TMSB4X: variants seen among roughly 807,000 people sequenced by gnomAD.
TMSB4X encodes thymosin beta 4 X-linked, also known as thymosin beta-4.
In TMSB4X, 1 loss-of-function variant was observed where a neutral mutation model predicts 3.6. The ratio of observed to expected loss-of-function variants is 0.28; its 90% CI spans 0.10 to 1.32. TMSB4X has a LOEUF of 1.32. Ranked by LOEUF, TMSB4X falls within the 40% of genes most tolerant of loss-of-function variation. The probability of loss-of-function intolerance (pLI) is 0.45; values close to 1 mark genes in which losing one functional copy is unlikely to be tolerated. For missense variants in TMSB4X, 6 were observed against 32.7 expected (o/e 0.18, Z 1.99); for synonymous variants, 12 against 14.3 (o/e 0.84, Z 0.36).
chrX:12,976,460 G>T, intron 2 of TMSB4X, 99 bp downstream of exon 2: 2 of 718,858 alleles, frequency 2.8e-6, no homozygotes, highest in Non-Finnish European at 2.1e-6. Context: ...TTCGGGAGGG[G>T]GGAGTGCGGG....
At chrX:12,976,751 T>A in intron 2 of TMSB4X, 26 bp from the exon 3 acceptor site, 1 of 837,590 alleles carries the variant, frequency 1.2e-6, no homozygotes. Context: ...CCTCCATCTT[T>A]TTTTTTTTTT....
At chrX:12,975,979 A>G (rs1011418863) in intron 1 of TMSB4X, 7 of 237,620 alleles carry the variant, frequency 2.9e-5, no homozygotes, top group Non-Finnish European at 5.3e-5. Flanking sequence ...GCAGTGGTCA[A>G]TTTCCTTTAT....
chrX:12,976,306 G>A lies in TMSB4X; in HGVS notation c.45G>A (p.Lys15=), dbSNP rs1269007988. The A allele has an allele frequency of 8.3e-7, 1 of 1,211,197 alleles. No individual in the cohort carries two copies. The highest frequency in any genetic ancestry group is 2.2e-5 in the Admixed American group (1 of 46,012). The change falls in exon 2 of 3, where the codon AAG becomes AAA. Residue 15 remains lysine, a synonymous_variant. Transcript: ENST00000451311. ...PDMAEIEKFD[K]SKLKKTETQE... is the part of the protein sequence containing the mutation. ...TGGCTGAGATCGAGAAATTCGATAA[G>A]TCGAAACTGAAGAAGACAGAGACGC...
rs903109465 is a variant in TMSB4X, at chrX:12,977,026, T to C, written c.*215T>C. 7 of 446,730 alleles carry C rather than the reference T, an allele frequency of 1.6e-5. No individual in the cohort carries two copies. Among genetic ancestry groups the C allele is most frequent in the Non-Finnish European group, 2.7e-5 (7 of 262,027 alleles). The allele number at this position is 446,730 out of a possible 1,213,427, so 36.8% of individuals were successfully genotyped here. ...CTGGCTGGCAGGGAAGGAAAGAACT[T>C]GCATGTTGGTGAAGGAAGAAGTGGG... On this transcript the variant is annotated 3_prime_UTR_variant, in exon 3 of 3. Transcript: ENST00000451311.
rs1246436408 is a variant in TMSB4X at position 12,975,130 on chromosome X, G to GCAGAC, written c.-49_-45dup. 1 of 116,896 alleles carries GCAGAC rather than the reference G, an allele frequency of 8.6e-6. No homozygotes were observed. The highest frequency in any genetic ancestry group is 9.3e-5 in the Admixed American group (1 of 10,734). 9.6% of individuals were successfully genotyped at this position (116,896 alleles called of 1,213,427 possible). ...CCGACAACTCGGTGGTGGCCACTGC[G>GCAGAC]CAGACCAGACTTCGCTCGTACTCGT... On this transcript the variant is annotated 5_prime_UTR_variant, in exon 1 of 3. Transcript: ENST00000451311.
intron 1 of TMSB4X, chrX:12,975,918 C>A (rs1292519640): frequency 7.6e-6 from 1 of 132,185 alleles, no homozygotes; most frequent in Non-Finnish European, 1.5e-5. Context: ...CTTTCCTCTT[C>A]TTTCCTTGTC....
intron 1 of TMSB4X, 115 bp downstream of exon 1, chrX:12,975,283 C>T (rs1233179459): frequency 1.8e-5 from 2 of 113,332 alleles, no homozygotes; most frequent in African/African-American, 6.5e-5. Flanking sequence ...GTGGTTCTCC[C>T]CGGGAAGGCT....
In TMSB4X at chrX:12,977,062, T is replaced by TG. The variant is rs2043300614; in HGVS notation, c.*255dup. The TG allele has an allele frequency of 2.5e-6, 1 of 401,184 alleles. No individual in the cohort carries two copies. The highest frequency in any genetic ancestry group is 5.1e-5 in the Admixed American group (1 of 19,744). 33.1% of individuals were successfully genotyped at this position (401,184 alleles called of 1,213,427 possible). ...GAAGGAAGAAGTGGGGTGGAAGAAG[T>TG]GGGGTGGGACGACAGTGAAATCTAG... On this transcript the variant is annotated 3_prime_UTR_variant, in exon 3 of 3. Coordinates refer to ENST00000451311, the MANE Select transcript of TMSB4X (RefSeq NM_021109.4).
At chrX:12,976,126 A>C in intron 1 of TMSB4X, 120 bp from the exon 2 acceptor site, 1 of 498,292 alleles carries the variant, frequency 2.0e-6, no homozygotes, top group East Asian at 3.6e-5. Flanking sequence ...CGGCAGCAGT[A>C]GGAGAGCGAG....
chrX:12,976,475 G>A, intron 2 of TMSB4X, 114 bp downstream of exon 2: 1 of 665,994 alleles, frequency 1.5e-6, no homozygotes, highest in Non-Finnish European at 2.4e-6. Context: ...TGCGGGGGAA[G>A]AGCCGACAGT....
At chrX:12,975,711 G>A (rs1232954174) in intron 1 of TMSB4X, 2 of 114,332 alleles carry the variant, frequency 1.7e-5, no homozygotes, top group Non-Finnish European at 3.7e-5. Flanking sequence ...GGGCTGCATT[G>A]TGACGCGGGC....
chrX:12,976,727 C>A (rs755871249), intron 2 of TMSB4X, 50 bp from the exon 3 acceptor site: 74 of 1,173,702 alleles, frequency 6.3e-5, no homozygotes, highest in Non-Finnish European at 8.2e-5. Flanking sequence ...TGTACTGAAT[C>A]CTTTAATCAT....
chrX:12,976,933 T>C lies in TMSB4X; in HGVS notation c.*122T>C. 1.2e-6 allele frequency: 1 copy of C among 811,791 alleles called. No homozygotes were observed. Among genetic ancestry groups the C allele is most frequent in the Non-Finnish European group, 1.8e-6 (1 of 559,039 alleles). 66.9% of individuals were successfully genotyped at this position (811,791 alleles called of 1,213,427 possible). ...TTGGATCAAGTTTAAATGACTGTGC[T>C]GCCCCTTTCACATCAAAGAACTACT... On this transcript the variant is annotated 3_prime_UTR_variant, in exon 3 of 3. Coordinates refer to ENST00000451311, the MANE Select transcript of TMSB4X (RefSeq NM_021109.4).
chrX:12,976,355 A>G lies in TMSB4X; in HGVS notation c.94A>G (p.Lys32Glu), dbSNP rs754788734. 1 of 1,205,804 alleles carries G rather than the reference A, an allele frequency of 8.3e-7. No individual in the cohort carries two copies. The highest frequency in any genetic ancestry group is 1.1e-6 in the Non-Finnish European group (1 of 890,486). ...GCAAGAGAAAAATCCACTGCCTTCC[A>G]AAGAAAGTGAGCTCCGACCCACCCC... ...ETQEKNPLPS[K>E]ETIEQEKQAG... The change falls in exon 2 of 3, where the codon AAA becomes GAA. Residue 32 changes from lysine (K) to glutamate (E), a missense_variant. By Grantham distance (56) the Lys-to-Glu change is moderately conservative. Coordinates refer to ENST00000451311, the MANE Select transcript of TMSB4X (RefSeq NM_021109.4).
chrX:12,975,449 G>A (rs1173397152), intron 1 of TMSB4X: 9 of 113,352 alleles, frequency 7.9e-5, no homozygotes, highest in Non-Finnish European at 1.7e-4. Context: ...CAAAGGTATT[G>A]TGCGTTGCCT....
intron 2 of TMSB4X, 72 bp from the exon 3 acceptor site, chrX:12,976,705 A>G: frequency 9.0e-7 from 1 of 1,111,150 alleles, no homozygotes; most frequent in South Asian, 2.0e-5. Context: ...TTTAAATGAA[A>G]GCCCTTTAGT....
In TMSB4X at chrX:12,976,143, T is replaced by A. The variant is rs1001211869; in HGVS notation, c.-16-103T>A. 19 of 588,548 alleles carry A rather than the reference T, an allele frequency of 3.2e-5. No individual in the cohort carries two copies. The Admixed American group carries it at 5.1e-4, about 16-fold the overall frequency. 48.5% of individuals were successfully genotyped at this position (588,548 alleles called of 1,213,427 possible). On this transcript the variant is annotated intron_variant, in intron 1 of 2. Transcript: ENST00000451311. Reference sequence around the variant, plus strand: ...GCAGCAGTAGGAGAGCGAGAAGGGTTTTTTTCAGGCTGCGGGTCGGAGGGC... The same window carrying A: ...GCAGCAGTAGGAGAGCGAGAAGGGTATTTTTCAGGCTGCGGGTCGGAGGGC...
intron 2 of TMSB4X, 151 bp from the exon 3 acceptor site, chrX:12,976,626 T>C (rs2043297870): frequency 1.6e-6 from 1 of 609,654 alleles, no homozygotes; most frequent in Admixed American, 3.1e-5. Flanking sequence ...TTCTATTTAG[T>C]ATATTCAATA....
In TMSB4X at chrX:12,976,818, G is replaced by A. The variant is rs780182682; in HGVS notation, c.*7G>A. The A allele has an allele frequency of 2.7e-5, 32 of 1,195,108 alleles. No individual in the cohort carries two copies. Among genetic ancestry groups the A allele is most frequent in the Non-Finnish European group, 3.5e-5 (31 of 888,795 alleles). On this transcript the variant is annotated 3_prime_UTR_variant, in exon 3 of 3. Coordinates refer to ENST00000451311, the MANE Select transcript of TMSB4X (RefSeq NM_021109.4). ...GCAAGCAGGCGAATCGTAATGAGGCGTGCGCCGCCAATATGCACTGTACAT... is the reference window on the plus strand; with the variant it reads ...GCAAGCAGGCGAATCGTAATGAGGCATGCGCCGCCAATATGCACTGTACAT...
Sources: gnomAD v4.1 joint callset for allele counts on GRCh38, gnomAD v4.1.1 for gene constraint, MANE v1.5 for transcripts, NCBI Gene and HGNC (gene_info 2026-07-23, HGNC 2026-07-21) for gene names.